Variants in SEM1 observed in about 807,000 individuals in gnomAD.
SEM1 encodes the protein 26S proteasome complex subunit SEM1.
In SEM1, 3 loss-of-function variants were observed where a neutral mutation model predicts 12.7. That is an observed-to-expected ratio of 0.24 (90% CI 0.11 to 0.61). The LOEUF (loss-of-function observed/expected upper bound fraction) is 0.61, where lower values mean the gene tolerates loss of function less well. Among genes scored for constraint, SEM1 ranks in the 20% least tolerant of loss-of-function variants. The pLI, the probability that SEM1 is intolerant of heterozygous loss-of-function variation, is 0.88. For synonymous variants in SEM1, 30 were observed against 27.8 expected (o/e 1.08, Z -0.25); for missense variants, 59 against 81.3 (o/e 0.73, Z 1.06).
downstream of SEM1, among the ~76,000 whole-genome samples, chr7:96,684,764 T>C (rs1278937664): frequency 6.6e-6 from 1 of 152,038 alleles, no homozygotes; most frequent in African/African-American, 2.4e-5. Context: ...AACTCAGACA[T>C]GGAGAGGTAA....
intron 2 of SEM1, among the ~76,000 whole-genome samples, chr7:96,664,737 A>T (rs1397709507): frequency 1.3e-5 from 2 of 152,182 alleles, no homozygotes; most frequent in Non-Finnish European, 2.9e-5. Context: ...ACCAGGATAC[A>T]TGGTTTGGAA....
intron 2 of SEM1, among the ~76,000 whole-genome samples, chr7:96,554,596 G>T (rs990255972): frequency 6.6e-6 from 1 of 151,262 alleles, no homozygotes; most frequent in African/African-American, 2.4e-5. Context: ...GATTCATTTT[G>T]CCAGTATTTT....
intron 2 of SEM1, among the ~76,000 whole-genome samples, chr7:96,532,088 C>T (rs959283919): frequency 2.6e-5 from 4 of 151,918 alleles, no homozygotes; most frequent in Admixed American, 2.0e-4. Context: ...GGTTCCGGGC[C>T]CTTTGATATA....
intron 2 of SEM1, among the ~76,000 whole-genome samples, chr7:96,573,507 A>G (rs1456844428): frequency 6.6e-6 from 1 of 152,100 alleles, no homozygotes; most frequent in African/African-American, 2.4e-5. Flanking sequence ...AAAGGATTTT[A>G]TTTCTCCTTC....
At chr7:96,486,052 G>T in intron 2 of SEM1, 1 of 634,704 alleles carries the variant, frequency 1.6e-6, no homozygotes, top group Non-Finnish European at 2.7e-6. Context: ...GGGAAGAATT[G>T]GAAGAAAGGA....
At chr7:96,500,121 G>A (rs151220052), upstream of SEM1, among the ~76,000 whole-genome samples, 819 of 152,214 alleles carry the variant, frequency 5.4e-3, 6 homozygotes, top group African/African-American at 0.019. Flanking sequence ...GCAAATAGGA[G>A]TTTAAGAACC....
chr7:96,583,583 C>T (rs1054522765), intron 2 of SEM1, among the ~76,000 whole-genome samples: 3 of 149,876 alleles, frequency 2.0e-5, no homozygotes, highest in African/African-American at 7.3e-5. Flanking sequence ...GTTAAAGTCT[C>T]CCATTATTAA....
chr7:96,488,971 G>A (rs1802885746), intron 1 of SEM1, among the ~76,000 whole-genome samples: 1 of 152,056 alleles, frequency 6.6e-6, no homozygotes, highest in African/African-American at 2.4e-5. Context: ...GCTGGGATGT[G>A]CGTACAGATA....
intron 1 of SEM1, among the ~76,000 whole-genome samples, chr7:96,495,099 G>A (rs913216826): frequency 1.3e-5 from 2 of 150,280 alleles, no homozygotes; most frequent in African/African-American, 2.5e-5. Flanking sequence ...TGGGAGAATA[G>A]CATTGGAAGA....
At chr7:96,607,102 G>A (rs1032770537) in intron 2 of SEM1, among the ~76,000 whole-genome samples, 5 of 152,040 alleles carry the variant, frequency 3.3e-5, no homozygotes, top group Non-Finnish European at 4.4e-5. Flanking sequence ...TTATCAGCAG[G>A]TATTTATTAA....
intron 3 of SEM1, among the ~76,000 whole-genome samples, chr7:96,502,755 G>A (rs1252143109): frequency 1.3e-5 from 2 of 152,162 alleles, no homozygotes; most frequent in Non-Finnish European, 2.9e-5. Flanking sequence ...CTGATACGCT[G>A]CAGTAATTCA....
At chr7:96,704,010 C>CACACACACACACACAT (rs1390081341) in intron 1 of SEM1, among the ~76,000 whole-genome samples, 1 of 143,744 alleles carries the variant, frequency 7.0e-6, no homozygotes, top group African/African-American at 2.6e-5. Flanking sequence ...CACACACACA[C>CACACACACACACACAT]ATACATAAAA....
At chr7:96,552,722 G>T (rs1805325871) in intron 2 of SEM1, among the ~76,000 whole-genome samples, 1 of 152,100 alleles carries the variant, frequency 6.6e-6, no homozygotes, top group African/African-American at 2.4e-5. Flanking sequence ...GGGATGGCTG[G>T]GTCAAATGGT....
At chr7:96,503,930 A>G (rs1803659509) in intron 3 of SEM1, among the ~76,000 whole-genome samples, 1 of 152,094 alleles carries the variant, frequency 6.6e-6, no homozygotes, top group South Asian at 2.1e-4. Context: ...GTTCACAGAG[A>G]TCCTGCAGTG....
chr7:96,554,624 C>G (rs2115866645), intron 2 of SEM1, among the ~76,000 whole-genome samples: 1 of 151,622 alleles, frequency 6.6e-6, no homozygotes, highest in South Asian at 2.1e-4. Flanking sequence ...ATTTCTGCAT[C>G]AATGTTAATC....
intron 2 of SEM1, among the ~76,000 whole-genome samples, chr7:96,677,476 G>GAT (rs1267807305): frequency 6.6e-6 from 1 of 152,124 alleles, no homozygotes; most frequent in African/African-American, 2.4e-5. Context: ...AAGAGATATA[G>GAT]ATATCATTTA....
At chr7:96,587,688 A>G (rs1260829507) in intron 2 of SEM1, among the ~76,000 whole-genome samples, 1 of 151,700 alleles carries the variant, frequency 6.6e-6, no homozygotes, top group East Asian at 1.9e-4. Context: ...GGACATTCTG[A>G]ACTCTTCTAA....
chr7:96,508,316 A>G (rs1221754646), intron 2 of SEM1, among the ~76,000 whole-genome samples: 2 of 152,142 alleles, frequency 1.3e-5, no homozygotes, highest in Non-Finnish European at 2.9e-5. Flanking sequence ...TTATTAAGAA[A>G]TAGGGAAGAT....
chr7:96,495,157 T>C (rs1803191114), intron 1 of SEM1, among the ~76,000 whole-genome samples: 1 of 152,112 alleles, frequency 6.6e-6, no homozygotes, highest in South Asian at 2.1e-4. Context: ...AAATATAAGA[T>C]TAATTAAAGA....
Sources: gnomAD v4.1 joint callset for allele counts (sites outside exome capture counted in the v4.1 genomes callset) on GRCh38, gnomAD v4.1.1 for gene constraint, MANE v1.5 for transcripts, NCBI Gene and HGNC (gene_info 2026-07-23, HGNC 2026-07-21) for gene names.